The following TCF4 variants were observed in gnomAD, a reference collection of about 807,000 sequenced individuals.
TCF4 encodes SL3-3 enhancer factor 2.
Under a neutral mutation model 82.1 loss-of-function variants are expected in TCF4, and 3 were observed. The ratio of observed to expected loss-of-function variants is 0.04; its 90% CI spans 0.02 to 0.09. The LOEUF is 0.09. Among genes scored for constraint, TCF4 ranks in the 10% least tolerant of loss-of-function variants. The probability of loss-of-function intolerance (pLI) is 1.00; values close to 1 mark genes in which losing one functional copy is unlikely to be tolerated. For synonymous variants in TCF4, 276 were observed against 309.6 expected (o/e 0.89, Z 1.14); for missense variants, 518 against 852.7 (o/e 0.61, Z 4.89).
At chr18:55,558,290 T>G (rs543858355) in intron 3 of TCF4, among the ~76,000 whole-genome samples, 1 of 152,296 alleles carries the variant, frequency 6.6e-6, no homozygotes, top group Non-Finnish European at 1.5e-5. Flanking sequence ...AGGTTCCATA[T>G]AAACTACAGT....
At chr18:55,470,277 A>G (rs2096144648) in intron 3 of TCF4, among the ~76,000 whole-genome samples, 1 of 152,222 alleles carries the variant, frequency 6.6e-6, no homozygotes, top group Non-Finnish European at 1.5e-5. Flanking sequence ...TCCAATATCT[A>G]AGAAAATCTG....
Position 55,223,727 on chromosome 18 carries a change from ATTTT to A in TCF4, c.*4304_*4307del, listed in dbSNP as rs144800392. On this transcript the variant is annotated 3_prime_UTR_variant, in exon 20 of 20. Transcript: ENST00000354452. ...GTTTTCCCTTTTTTTTTTTTTAACA[ATTTT>A]TTTAAGTTTTTAATGCTGCAGCTAT... The A allele has an allele frequency of 6.9e-6, 1 of 145,250 alleles. No homozygotes were observed. The highest frequency in any genetic ancestry group is 2.0e-4 in the East Asian group (1 of 5,054). The allele number at this position is 145,250 out of a possible 1,614,324, so 9.0% of individuals were successfully genotyped here. A position where few individuals can be genotyped will look rare whatever the true frequency, so the allele number is the denominator to read the frequency against.
At chr18:55,609,580 C>G (rs898798651) in intron 2 of TCF4, among the ~76,000 whole-genome samples, 1 of 152,070 alleles carries the variant, frequency 6.6e-6, no homozygotes, top group Non-Finnish European at 1.5e-5. Context: ...ACCAGAGTTG[C>G]AGTAAAATTG....
At chr18:55,290,267 CTT>C (rs2064740159) in intron 8 of TCF4, among the ~76,000 whole-genome samples, 1 of 152,156 alleles carries the variant, frequency 6.6e-6, no homozygotes, top group African/African-American at 2.4e-5. Context: ...GCTCAAATAA[CTT>C]TAGATGCGAT....
intron 3 of TCF4, among the ~76,000 whole-genome samples, chr18:55,499,548 T>C (rs147719224): frequency 2.0e-5 from 3 of 152,318 alleles, no homozygotes; most frequent in Non-Finnish European, 4.4e-5. Flanking sequence ...AACTTGACTG[T>C]ACATTAGAAT....
chr18:55,505,202 T>C (rs1036994551), intron 3 of TCF4, among the ~76,000 whole-genome samples: 11 of 152,242 alleles, frequency 7.2e-5, no homozygotes, highest in African/African-American at 2.6e-4. Context: ...CACACAAAAC[T>C]GAAGCAAGAT....
intron 8 of TCF4, 77 bp from the exon 9 acceptor site, chr18:55,279,733 T>C (rs1215998157): frequency 1.2e-6 from 2 of 1,600,610 alleles, no homozygotes; most frequent in East Asian, 2.2e-5. Context: ...ATATAAGAAG[T>C]AGGCAGAAAG....
chr18:55,549,559 T>C (rs2097240427), intron 3 of TCF4, among the ~76,000 whole-genome samples: 1 of 152,188 alleles, frequency 6.6e-6, no homozygotes, highest in South Asian at 2.1e-4. Flanking sequence ...AGTCTAGGCC[T>C]ACATAGGGTC....
chr18:55,252,376 G>C (rs1021475955), intron 15 of TCF4, among the ~76,000 whole-genome samples: 2 of 143,676 alleles, frequency 1.4e-5, no homozygotes, highest in African/African-American at 2.5e-5. Context: ...GTGTGTGTGT[G>C]TGTGTATATC....
chr18:55,407,127 G>T (rs1449680203), intron 5 of TCF4, among the ~76,000 whole-genome samples: 1 of 152,104 alleles, frequency 6.6e-6, no homozygotes, highest in Non-Finnish European at 1.5e-5. Context: ...AACAAATCTT[G>T]TCAGGCATTT....
At chr18:55,623,846 G>A (rs983207463) in intron 2 of TCF4, among the ~76,000 whole-genome samples, 4 of 152,146 alleles carry the variant, frequency 2.6e-5, no homozygotes, top group Admixed American at 6.5e-5. Context: ...TTGCAGGGCT[G>A]TCAAGCTGGG....
rs556808034 is a variant in TCF4 at position 55,381,925 on chromosome 18, T to TA, written c.369+21528dup. On this transcript the variant is annotated intron_variant, in intron 6 of 19. Transcript: ENST00000354452. ...CTCTAGAAGGGTTTTTTTTTTTTTT[T>TA]AAAAAAGGAAATTCTAAGTGATTTA... 7.1e-3 allele frequency among the ~76,000 whole-genome samples: 1,068 copies of TA among 150,728 alleles called. 11 individuals are homozygous for TA. The highest frequency in any genetic ancestry group is 0.021 in the African/African-American group (874 of 41,036).
intron 3 of TCF4, among the ~76,000 whole-genome samples, chr18:55,564,051 T>C (rs933439031): frequency 6.6e-6 from 1 of 152,182 alleles, no homozygotes; most frequent in Admixed American, 6.5e-5. Context: ...CAAAGAGTCT[T>C]GATTAAACTA....
At chr18:55,583,127 G>A (rs1174399057) in intron 3 of TCF4, among the ~76,000 whole-genome samples, 2 of 152,028 alleles carry the variant, frequency 1.3e-5, no homozygotes, top group South Asian at 2.1e-4. Flanking sequence ...TGAATACCCT[G>A]CATTCTCATT....
At chr18:55,401,571 A>C (rs1603447082) in intron 6 of TCF4, 2 of 983,542 alleles carry the variant, frequency 2.0e-6, no homozygotes, top group Admixed American at 6.2e-5. Context: ...GCCCCTTTCC[A>C]CTTCTCACCT....
At chr18:55,399,453 G>T (rs942877830) in intron 6 of TCF4, among the ~76,000 whole-genome samples, 3 of 152,112 alleles carry the variant, frequency 2.0e-5, no homozygotes, top group African/African-American at 7.2e-5. Context: ...TGCTGAAGAA[G>T]AAAAAGAATT....
intron 5 of TCF4, among the ~76,000 whole-genome samples, chr18:55,412,347 C>A (rs929671609): frequency 6.9e-6 from 1 of 144,472 alleles, no homozygotes; most frequent in Non-Finnish European, 1.5e-5. Flanking sequence ...ATAATGAAGG[C>A]TGTTTTTTTT....
chr18:55,530,672 T>C (rs958628898), intron 3 of TCF4, among the ~76,000 whole-genome samples: 1 of 151,920 alleles, frequency 6.6e-6, no homozygotes, highest in African/African-American at 2.4e-5. Flanking sequence ...TAAATATATA[T>C]TTAAAAGCCA....
intron 3 of TCF4, among the ~76,000 whole-genome samples, chr18:55,471,420 G>C (rs2096176238): frequency 6.6e-6 from 1 of 152,154 alleles, no homozygotes; most frequent in Admixed American, 6.5e-5. Context: ...GATGTGTCAG[G>C]CCAGGTGCGA....
Sources: gnomAD v4.1 joint callset for allele counts (sites outside exome capture counted in the v4.1 genomes callset) on GRCh38, gnomAD v4.1.1 for gene constraint, MANE v1.5 for transcripts, NCBI Gene and HGNC (gene_info 2026-07-23, HGNC 2026-07-21) for gene names.